Variants in CREB5 observed in about 807,000 individuals in gnomAD.
CREB5 encodes the protein cyclic AMP-responsive element-binding protein 5.
In CREB5, 19 loss-of-function variants were observed where a neutral mutation model predicts 57.1. The observed-to-expected ratio is 0.33, with a 90% CI of 0.23 to 0.49. CREB5 has a LOEUF of 0.49. CREB5 is among the 20% of genes least tolerant of loss of function. The probability of loss-of-function intolerance (pLI) is 0.99; values close to 1 mark genes in which losing one functional copy is unlikely to be tolerated. For missense variants in CREB5, 579 were observed against 671.6 expected, an observed-to-expected ratio of 0.86 and a Z score of 1.52; for synonymous variants, 238 against 238.3, an observed-to-expected ratio of 1.00 and a Z score of 0.01.
At chr7:28,471,374 G>A (rs1194870665) in intron 1 of CREB5, among the ~76,000 whole-genome samples, 3 of 151,978 alleles carry the variant, frequency 2.0e-5, no homozygotes, top group African/African-American at 7.3e-5. Context: ...TTGAAAATGA[G>A]TTCACTGTAC....
intron 5 of CREB5, among the ~76,000 whole-genome samples, chr7:28,624,663 C>T (rs943003900): frequency 2.9e-5 from 4 of 138,910 alleles, no homozygotes; most frequent in African/African-American, 5.7e-5. Context: ...TTCCTTGTTC[C>T]GCCAACAGAC....
chr7:28,682,391 T>A (rs138110601), intron 5 of CREB5, among the ~76,000 whole-genome samples: 1 of 152,342 alleles, frequency 6.6e-6, no homozygotes, highest in Non-Finnish European at 1.5e-5. Flanking sequence ...TGTGCAGTGG[T>A]CTGTGACCAG....
chr7:28,785,384 G>A (rs914326787), intron 7 of CREB5, among the ~76,000 whole-genome samples: 2 of 152,174 alleles, frequency 1.3e-5, no homozygotes, highest in Admixed American at 1.3e-4. Context: ...CAGGGTTCTC[G>A]ATTTGTTTGA....
At chr7:28,551,025 A>G (rs1272669183) in intron 4 of CREB5, among the ~76,000 whole-genome samples, 3 of 151,956 alleles carry the variant, frequency 2.0e-5, no homozygotes, top group Admixed American at 1.3e-4. Flanking sequence ...TTGCTGAGAA[A>G]CACATCTGTT....
At chr7:28,602,402 C>T (rs1489975648) in intron 5 of CREB5, among the ~76,000 whole-genome samples, 1 of 152,168 alleles carries the variant, frequency 6.6e-6, no homozygotes, top group African/African-American at 2.4e-5. Flanking sequence ...GCTGGGATTA[C>T]AGTGGACTAT....
intron 7 of CREB5, among the ~76,000 whole-genome samples, chr7:28,782,635 A>G (rs1807053883): frequency 2.0e-5 from 3 of 152,212 alleles, no homozygotes. Flanking sequence ...ATTGTATTCA[A>G]CTCAACAATA....
chr7:28,783,390 T>C (rs1335462418), intron 7 of CREB5, among the ~76,000 whole-genome samples: 1 of 152,212 alleles, frequency 6.6e-6, no homozygotes, highest in Non-Finnish European at 1.5e-5. Flanking sequence ...TATTCTATAA[T>C]AAATTCTGCA....
intron 7 of CREB5, among the ~76,000 whole-genome samples, chr7:28,783,548 G>A (rs1807117903): frequency 6.6e-6 from 1 of 152,094 alleles, no homozygotes; most frequent in Non-Finnish European, 1.5e-5. Context: ...TTACAATTAG[G>A]TTATTTTGAA....
intron 1 of CREB5, among the ~76,000 whole-genome samples, chr7:28,317,767 T>C (rs1231587462): frequency 6.6e-6 from 1 of 152,242 alleles, no homozygotes. Flanking sequence ...CAGTGTGTTT[T>C]ATATTATTGT....
chr7:28,819,333 T>A lies in CREB5; in HGVS notation c.*54T>A, dbSNP rs1375090336. ...AGAGCTGTAGCGTACCATGCGTCCTTTCTTTTAAGGGCATTTTTAGAATTA... is the reference window on the plus strand; with the variant it reads ...AGAGCTGTAGCGTACCATGCGTCCTATCTTTTAAGGGCATTTTTAGAATTA... On this transcript the variant is annotated 3_prime_UTR_variant, in exon 11 of 11. Coordinates refer to ENST00000357727, the MANE Select transcript of CREB5 (RefSeq NM_182898.4). The A allele has an allele frequency of 1.9e-6, 3 of 1,542,326 alleles. No individual in the cohort carries two copies. Among genetic ancestry groups the A allele is most frequent in the South Asian group, 2.5e-5 (2 of 80,184 alleles).
chr7:28,313,419 A>C (rs1785316915), intron 1 of CREB5, among the ~76,000 whole-genome samples: 1 of 152,168 alleles, frequency 6.6e-6, no homozygotes, highest in Non-Finnish European at 1.5e-5. Flanking sequence ...TCATAGTTTT[A>C]ACAGAAAGTA....
At chr7:28,813,464 T>C (rs931972674) in intron 9 of CREB5, among the ~76,000 whole-genome samples, 1 of 152,204 alleles carries the variant, frequency 6.6e-6, no homozygotes, top group Admixed American at 6.5e-5. Flanking sequence ...GGTCTGGGAC[T>C]TGGCAAGCGA....
At chr7:28,309,281 A>T (rs951825508) in intron 1 of CREB5, among the ~76,000 whole-genome samples, 1 of 152,110 alleles carries the variant, frequency 6.6e-6, no homozygotes, top group Non-Finnish European at 1.5e-5. Context: ...TGACTAATAC[A>T]CCCCTGTATC....
chr7:28,617,749 A>G (rs565636822), intron 5 of CREB5, among the ~76,000 whole-genome samples: 1 of 152,354 alleles, frequency 6.6e-6, no homozygotes, highest in South Asian at 2.1e-4. Flanking sequence ...AGAGGGGGAA[A>G]AAGAGCAGCG....
intron 5 of CREB5, among the ~76,000 whole-genome samples, chr7:28,687,394 G>A (rs942860916): frequency 1.3e-5 from 2 of 151,724 alleles, no homozygotes; most frequent in Non-Finnish European, 2.9e-5. Flanking sequence ...GGGGGCAAAG[G>A]ATTGTGTTCT....
At chr7:28,800,899 C>T (rs1445888799) in intron 7 of CREB5, among the ~76,000 whole-genome samples, 1 of 152,216 alleles carries the variant, frequency 6.6e-6, no homozygotes, top group Non-Finnish European at 1.5e-5. Flanking sequence ...GTGTGAATGG[C>T]ATGGCTTGTG....
intron 7 of CREB5, among the ~76,000 whole-genome samples, chr7:28,755,756 A>G (rs914142756): frequency 1.3e-5 from 2 of 152,162 alleles, no homozygotes; most frequent in Admixed American, 6.5e-5. Flanking sequence ...CTGAACATTG[A>G]TCCTGAGAGC....
rs940868573 is a variant in CREB5, at chr7:28,633,362, A to G, written c.464+62825A>G. 7.5e-5 allele frequency among the ~76,000 whole-genome samples: 9 copies of G among 120,518 alleles called. No homozygotes were observed. In the East Asian group the frequency reaches 1.2e-3, roughly 16 times the overall value. The allele number at this position is 120,518 out of a possible 152,430, so 79.1% of individuals were successfully genotyped here. ...TTGATCAGTTTAAACCAAGGATTCA[A>G]TCATTCATGTGTGTGTGTGTGTGTG... On this transcript the variant is annotated intron_variant, in intron 5 of 10. Transcript: ENST00000357727.
At chr7:28,344,866 C>T (rs1302439334) in intron 1 of CREB5, among the ~76,000 whole-genome samples, 1 of 152,092 alleles carries the variant, frequency 6.6e-6, no homozygotes, top group East Asian at 1.9e-4. Flanking sequence ...GCTATACTTA[C>T]ATCAGATAAA....
Sources: allele counts gnomAD v4.1 joint callset (sites outside exome capture counted in the v4.1 genomes callset), GRCh38; gene constraint gnomAD v4.1.1; transcripts MANE v1.5; gene names NCBI Gene and HGNC (gene_info 2026-07-23, HGNC 2026-07-21).